USP10: variants seen among roughly 807,000 people sequenced by gnomAD.
USP10 encodes the protein ubiquitin specific peptidase 10.
USP10 carries 22 observed loss-of-function variants against 84.5 expected under a neutral mutation model. The observed-to-expected ratio is 0.26, with a 90% confidence interval of 0.19 to 0.37. The LOEUF is 0.37. Ranked by LOEUF, USP10 falls within the 10% of genes least tolerant of loss-of-function variation. The pLI, the probability that USP10 is intolerant of heterozygous loss-of-function variation, is 1.00. For missense variants in USP10, 1,019 were observed against 998.9 expected (o/e 1.02, Z -0.27); for synonymous variants, 454 against 387.6 (o/e 1.17, Z -2.01).
At chr16:84,751,539 A>G (rs1247775423) in intron 4 of USP10, among the ~76,000 whole-genome samples, 1 of 152,300 alleles carries the variant, frequency 6.6e-6, no homozygotes, top group African/African-American at 2.4e-5. Flanking sequence ...ATCTGATTCG[A>G]TGTTTGTAGC....
At chr16:84,731,271 T>A (rs1226306264) in intron 1 of USP10, among the ~76,000 whole-genome samples, 1 of 150,676 alleles carries the variant, frequency 6.6e-6, no homozygotes. Context: ...GAGCCACCGC[T>A]CCCGGCCTCT....
At chr16:84,775,106 G>A in intron 12 of USP10, 54 bp from the exon 13 acceptor site, 4 of 1,531,846 alleles carry the variant, frequency 2.6e-6, no homozygotes, top group Non-Finnish European at 3.6e-6. Flanking sequence ...TTCTGCTGCT[G>A]TTACCCTGAA....
In USP10 at chr16:84,769,859, G is replaced by T. The variant is rs145001799; in HGVS notation, c.1998+1501G>T. Among the ~76,000 whole-genome samples, 348 of 152,278 alleles carry T rather than the reference G, an allele frequency of 2.3e-3. 1 individual carries two copies. The highest frequency in any genetic ancestry group is 7.9e-3 in the African/African-American group (329 of 41,552). On this transcript the variant is annotated intron_variant, in intron 11 of 13. Coordinates refer to ENST00000219473, the MANE Select transcript of USP10 (RefSeq NM_005153.3). The stretch of plus-strand genomic sequence containing the variant: ...GTAGGGGTGGCGGTGTGGGGGCAGG[G>T]GTTGAGGCGCAGGTAGTTGTTAGCC...
intron 2 of USP10, among the ~76,000 whole-genome samples, chr16:84,736,488 C>T (rs1161176630): frequency 6.6e-6 from 1 of 152,208 alleles, no homozygotes; most frequent in African/African-American, 2.4e-5. Flanking sequence ...TAGCTGGCAT[C>T]TTTTCTAGAG....
intron 5 of USP10, 186 bp from the exon 6 acceptor site, chr16:84,759,177 T>C (rs1176482207): frequency 8.3e-5 from 52 of 625,770 alleles, no homozygotes; most frequent in Admixed American, 2.7e-5. Flanking sequence ...TAGATCCTTA[T>C]ATGGACATCA....
intron 11 of USP10, 130 bp from the exon 12 acceptor site, chr16:84,772,411 G>A: frequency 2.3e-6 from 3 of 1,285,732 alleles, no homozygotes; most frequent in East Asian, 2.4e-5. Context: ...GGCAGGAAAA[G>A]CCATGAAGTC....
intron 10 of USP10, among the ~76,000 whole-genome samples, chr16:84,764,931 G>GAGAGAAA (rs11373757): frequency 2.5e-5 from 1 of 39,254 alleles, no homozygotes. Flanking sequence ...GAGAGAGAGA[G>GAGAGAAA]AAAAAAAAAT....
intron 13 of USP10, 51 bp from the exon 14 acceptor site, chr16:84,778,844 A>G: frequency 6.5e-7 from 1 of 1,549,782 alleles, no homozygotes; most frequent in Non-Finnish European, 8.8e-7. Flanking sequence ...ACCTGTAATG[A>G]TTCGTGTGCA....
intron 11 of USP10, 45 bp from the exon 12 acceptor site, chr16:84,772,496 C>G: frequency 6.2e-7 from 1 of 1,608,134 alleles, no homozygotes; most frequent in Non-Finnish European, 8.5e-7. Flanking sequence ...TTAGCTGTTG[C>G]AAGTAAGACA....
At chr16:84,777,067 G>A (rs1372119993) in intron 13 of USP10, among the ~76,000 whole-genome samples, 1 of 152,226 alleles carries the variant, frequency 6.6e-6, no homozygotes, top group Non-Finnish European at 1.5e-5. Context: ...CACCGGACTG[G>A]TTAGAATTAC....
intron 13 of USP10, 90 bp from the exon 14 acceptor site, chr16:84,778,805 G>T: frequency 3.9e-6 from 5 of 1,294,558 alleles, no homozygotes; most frequent in African/African-American, 1.5e-5. Flanking sequence ...TTACACATAG[G>T]ATGCATCCCT....
chr16:84,759,619 A>C (rs1912967504), intron 6 of USP10, 147 bp downstream of exon 6: 1 of 784,968 alleles, frequency 1.3e-6, no homozygotes, highest in South Asian at 1.8e-5. Context: ...TGGCGATTTT[A>C]TATGGAAGTT....
chr16:84,723,698 C>T (rs527388657), intron 1 of USP10, among the ~76,000 whole-genome samples: 4 of 152,286 alleles, frequency 2.6e-5, no homozygotes, highest in African/African-American at 7.2e-5. Flanking sequence ...GGATCTAACT[C>T]GATTCTTGTA....
chr16:84,710,186 C>T (rs1337267428), intron 1 of USP10, among the ~76,000 whole-genome samples: 4 of 151,550 alleles, frequency 2.6e-5, no homozygotes, highest in African/African-American at 7.3e-5. Context: ...AAGAGAATCG[C>T]TTGAACCCGG....
intron 1 of USP10, among the ~76,000 whole-genome samples, chr16:84,703,813 G>A (rs907160529): frequency 5.9e-5 from 9 of 152,204 alleles, no homozygotes; most frequent in African/African-American, 1.7e-4. Flanking sequence ...CAGCCGCGCC[G>A]TACCAGGACC....
chr16:84,736,965 G>A (rs995415581), intron 2 of USP10, among the ~76,000 whole-genome samples: 13 of 152,090 alleles, frequency 8.5e-5, no homozygotes, highest in African/African-American at 2.9e-4. Flanking sequence ...ATTTTTTGTG[G>A]TTTTAGTAGA....
chr16:84,736,263 A>G (rs1306651937), intron 2 of USP10, among the ~76,000 whole-genome samples: 1 of 152,250 alleles, frequency 6.6e-6, no homozygotes, highest in Admixed American at 6.5e-5. Flanking sequence ...GCTTGATAAA[A>G]TATTGTTTTC....
chr16:84,755,029 G>C (rs576724876), intron 4 of USP10, among the ~76,000 whole-genome samples: 1 of 151,764 alleles, frequency 6.6e-6, no homozygotes, highest in South Asian at 2.1e-4. Flanking sequence ...ACAGAGCTTA[G>C]TGCAGCCAGT....
chr16:84,703,346 C>A (rs76655253), intron 1 of USP10, among the ~76,000 whole-genome samples: 12,189 of 152,248 alleles, frequency 0.08, 687 homozygotes, highest in East Asian at 0.25. Flanking sequence ...CACAATAATG[C>A]TTCCTACACC....
Sources: gnomAD v4.1 joint callset for allele counts (sites outside exome capture counted in the v4.1 genomes callset) on GRCh38, gnomAD v4.1.1 for gene constraint, MANE v1.5 for transcripts, NCBI Gene and HGNC (gene_info 2026-07-23, HGNC 2026-07-21) for gene names.